Variants in KCNH1 observed in about 807,000 individuals in gnomAD.
The protein encoded by KCNH1 is potassium voltage-gated channel subfamily H member 1.
KCNH1 carries 27 observed loss-of-function variants against 69.2 expected under a neutral mutation model. The ratio of observed to expected loss-of-function variants is 0.39; its 90% CI spans 0.29 to 0.54. The LOEUF (loss-of-function observed/expected upper bound fraction) is 0.54, where lower values mean the gene tolerates loss of function less well. Ranked by LOEUF, KCNH1 falls within the 20% of genes least tolerant of loss-of-function variation. KCNH1 has a pLI of 0.68. For missense variants in KCNH1, 798 were observed against 1,261.6 expected (o/e 0.63, Z 5.57); for synonymous variants, 456 against 487.7 (o/e 0.93, Z 0.86).
intron 10 of KCNH1, among the ~76,000 whole-genome samples, chr1:210,742,009 A>T (rs1683044148): frequency 2.0e-5 from 3 of 152,180 alleles, no homozygotes; most frequent in Admixed American, 6.5e-5. Flanking sequence ...TAACTATTGG[A>T]AGGAAAACAA....
chr1:211,049,116 A>G (rs545361108), intron 5 of KCNH1, among the ~76,000 whole-genome samples: 2 of 152,210 alleles, frequency 1.3e-5, no homozygotes, highest in Admixed American at 1.3e-4. Flanking sequence ...CATTAACTGA[A>G]TATCTGATGG....
rs968423185 is a variant in KCNH1 at position 211,128,125 on chromosome 1, C to T, written c.79+5742G>A. 9.2e-5 allele frequency among the ~76,000 whole-genome samples: 14 copies of T among 152,012 alleles called. No homozygotes were observed. In the East Asian group the frequency reaches 2.7e-3, roughly 29 times the overall value. On this transcript the variant is annotated intron_variant, in intron 1 of 10. Transcript: ENST00000271751. ...CCAACATGGTGAAACCCTGTATCTACTAAAAATACAAAAATTAGCCAGGCA... is the reference window on the plus strand; with the variant it reads ...CCAACATGGTGAAACCCTGTATCTATTAAAAATACAAAAATTAGCCAGGCA...
chr1:211,121,199 C>A (rs1331169715), intron 1 of KCNH1, among the ~76,000 whole-genome samples: 1 of 152,102 alleles, frequency 6.6e-6, no homozygotes, highest in Admixed American at 6.5e-5. Context: ...CATGTAGAAT[C>A]AAAGAAGACC....
chr1:211,019,256 C>A lies in KCNH1; in HGVS notation c.559G>T (p.Val187Phe). Residue 187 changes from valine to phenylalanine, a missense_variant and splice_region_variant, in exon 6 of 11, where the codon GTC becomes TTC. By Grantham distance (50) the Val-to-Phe change is conservative. Coordinates refer to ENST00000271751, the MANE Select transcript of KCNH1 (RefSeq NM_172362.3). Reference protein sequence around the residue: ...NVHKHSRLAEVLQLGSDILPQ... With the variant: ...NVHKHSRLAEFLQLGSDILPQ... ...AGGATGTCTGAGCCCAGCTGTAGGA[C>A]CTGTACAGAAAAACATGACCAAGAG... is the stretch of plus-strand genomic sequence containing the variant. 1 of 1,589,348 alleles carries A rather than the reference C, an allele frequency of 6.3e-7. No individual in the cohort carries two copies. The highest frequency in any genetic ancestry group is 1.1e-5 in the South Asian group (1 of 88,770).
chr1:211,049,248 TAAC>T (rs1237217883), intron 5 of KCNH1, among the ~76,000 whole-genome samples: 1 of 152,144 alleles, frequency 6.6e-6, no homozygotes, highest in Non-Finnish European at 1.5e-5. Context: ...AAAAGTACTT[TAAC>T]AACAAGGGAA....
chr1:210,964,756 C>G (rs908531676), intron 6 of KCNH1, among the ~76,000 whole-genome samples: 1 of 152,112 alleles, frequency 6.6e-6, no homozygotes, highest in African/African-American at 2.4e-5. Flanking sequence ...TTTTATGAGG[C>G]CAGCATCATC....
intron 5 of KCNH1, among the ~76,000 whole-genome samples, chr1:211,044,765 T>G (rs767529516): frequency 6.6e-6 from 1 of 151,794 alleles, no homozygotes; most frequent in East Asian, 1.9e-4. Context: ...GATGTCAGCA[T>G]GGATGTGGTG....
At position 210,919,580 on chromosome 1, in the gene KCNH1, T is replaced by C. The variant is rs1482336330; in HGVS notation, c.1462+60A>G. ...CTGATCCTGCTGGCACTGTAGCCAT[T>C]TCCCTGTTTCCAGCTAACAGAAGAG... is the stretch of plus-strand genomic sequence containing the variant. On this transcript the variant is annotated intron_variant, in intron 7 of 10. Transcript: ENST00000271751. This position sits in a 1 kb window ranked among gnomAD's most constrained non-coding sequence, Gnocchi z 4.2. 8 of 1,450,818 alleles carry C rather than the reference T, an allele frequency of 5.5e-6. No individual in the cohort carries two copies. The highest frequency in any genetic ancestry group is 7.6e-6 in the Non-Finnish European group (8 of 1,048,376). 89.9% of individuals were successfully genotyped at this position (1,450,818 alleles called of 1,614,324 possible).
At chr1:211,018,643 G>T in intron 6 of KCNH1, 140 bp downstream of exon 6, 1 of 712,236 alleles carries the variant, frequency 1.4e-6, no homozygotes, top group Non-Finnish European at 2.3e-6. Flanking sequence ...AGCAGGCAAG[G>T]GTATCTATCA....
intron 10 of KCNH1, among the ~76,000 whole-genome samples, chr1:210,711,912 G>A (rs1682085811): frequency 6.6e-6 from 1 of 152,188 alleles, no homozygotes; most frequent in Non-Finnish European, 1.5e-5. Context: ...GAAGCCCCTG[G>A]ACCCCAGGCT....
intron 6 of KCNH1, among the ~76,000 whole-genome samples, chr1:210,998,662 C>T (rs7414286): frequency 8.3e-4 from 126 of 152,088 alleles, no homozygotes; most frequent in African/African-American, 2.8e-3. Flanking sequence ...CCAAGCAGAC[C>T]TAATAGACAT....
At position 211,046,057 on chromosome 1, in the gene KCNH1, A is replaced by ACCCTATTT. The variant is rs1471159764; in HGVS notation, c.559-26809_559-26802dup. 2.0e-5 allele frequency among the ~76,000 whole-genome samples: 3 copies of ACCCTATTT among 152,154 alleles called. No individual in the cohort carries two copies. In the East Asian group the frequency reaches 5.8e-4, roughly 29 times the overall value. On this transcript the variant is annotated intron_variant, in intron 5 of 10. Coordinates refer to ENST00000271751, the MANE Select transcript of KCNH1 (RefSeq NM_172362.3). ...TGAATAATATTCCATAGTGTTATAC[A>ACCCTATTT]CCCTATTTCTTTATTCACGTAATAT...
intron 2 of KCNH1, 112 bp downstream of exon 2, chr1:211,107,142 G>T: frequency 8.4e-7 from 1 of 1,186,308 alleles, no homozygotes; most frequent in Non-Finnish European, 1.2e-6. Context: ...AAATTTTCCT[G>T]TGAATACACA....
At chr1:210,853,946 C>CAAAAAAAAAAAAAAAACA (rs1685767518) in intron 7 of KCNH1, among the ~76,000 whole-genome samples, 2 of 61,530 alleles carry the variant, frequency 3.3e-5, no homozygotes, top group Non-Finnish European at 5.5e-5. Context: ...TTATCTAAGC[C>CAAAAAAAAAAAAAAAACA]AAAAAAAAAA....
At chr1:210,692,235 G>A (rs1191760258) in intron 10 of KCNH1, among the ~76,000 whole-genome samples, 2 of 152,154 alleles carry the variant, frequency 1.3e-5, no homozygotes, top group Non-Finnish European at 2.9e-5. Context: ...TGGGCAGTAG[G>A]TGGATTGGAC....
In KCNH1 at chr1:210,803,959, C is replaced by T. The variant is rs779122011; in HGVS notation, c.1662+8G>A. 2.1e-5 allele frequency: 34 copies of T among 1,612,662 alleles called. No homozygotes were observed. The highest frequency in any genetic ancestry group is 3.3e-5 in the Admixed American group (2 of 59,966). On this transcript the variant is annotated splice_region_variant and intron_variant, in intron 8 of 10. Coordinates refer to ENST00000271751, the MANE Select transcript of KCNH1 (RefSeq NM_172362.3). ...AAATGGTTTCCCTGAGCTCCTCATC[C>T]TCCTTACCTTCTCTGTGTCAATGCC...
At chr1:210,924,300 G>C (rs932367741) in intron 6 of KCNH1, among the ~76,000 whole-genome samples, 3 of 152,234 alleles carry the variant, frequency 2.0e-5, no homozygotes, top group African/African-American at 7.2e-5. Flanking sequence ...AGAGCACAGT[G>C]CCTTTGCAGA....
intron 10 of KCNH1, among the ~76,000 whole-genome samples, chr1:210,742,206 A>C (rs61829485): frequency 0.18 from 27,798 of 152,220 alleles, 3,350 homozygotes; most frequent in Non-Finnish European, 0.27. Context: ...TGAAGGAATT[A>C]TTTTATTTCT....
intron 7 of KCNH1, chr1:210,862,026 A>T (rs1558501566): frequency 1.3e-6 from 1 of 779,180 alleles, no homozygotes; most frequent in East Asian, 2.4e-5. Context: ...TACAATGGCA[A>T]TCTTCTTCTG....
Sources: allele counts gnomAD v4.1 joint callset (sites outside exome capture counted in the v4.1 genomes callset), GRCh38; gene constraint gnomAD v4.1.1; non-coding constraint Gnocchi (gnomAD v3.1); transcripts MANE v1.5; gene names NCBI Gene and HGNC (gene_info 2026-07-23, HGNC 2026-07-21).